Variants in SLC39A11 observed in about 807,000 individuals in gnomAD.
The protein encoded by SLC39A11 is solute carrier family 39 member 11.
A neutral mutation model predicts 36.1 loss-of-function variants in SLC39A11; 33 were observed. The observed-to-expected ratio is 0.91, with a 90% CI of 0.69 to 1.22. The LOEUF (loss-of-function observed/expected upper bound fraction) is 1.22. Among genes scored for constraint, SLC39A11 ranks in the 50% most tolerant of loss-of-function variants. The pLI, the probability that SLC39A11 is intolerant of heterozygous loss-of-function variation, is 0.00. For synonymous variants in SLC39A11, 166 were observed against 170.3 expected (o/e 0.97, Z 0.20); for missense variants, 432 against 430.3 (o/e 1.00, Z -0.03).
At chr17:72,843,552 G>C (rs1390421916) in intron 6 of SLC39A11, among the ~76,000 whole-genome samples, 1 of 152,084 alleles carries the variant, frequency 6.6e-6, no homozygotes, top group East Asian at 1.9e-4. Context: ...ACCATGTGAG[G>C]ATACAACGAG....
At chr17:72,904,918 A>T (rs1405087781) in intron 5 of SLC39A11, among the ~76,000 whole-genome samples, 1 of 152,140 alleles carries the variant, frequency 6.6e-6, no homozygotes, top group South Asian at 2.1e-4. Flanking sequence ...TCACGCCTGT[A>T]ATCCCAGCAC....
chr17:72,686,981 G>A, intron 7 of SLC39A11, among the ~76,000 whole-genome samples: 1 of 152,142 alleles, frequency 6.6e-6, no homozygotes. Context: ...AATTAATCAG[G>A]AGGGGAATTC....
intron 5 of SLC39A11, among the ~76,000 whole-genome samples, chr17:72,875,457 C>T (rs1344189734): frequency 1.3e-5 from 2 of 152,136 alleles, no homozygotes; most frequent in Non-Finnish European, 2.9e-5. Context: ...ATTCTGGAAC[C>T]CCCTGAGGTT....
At chr17:72,889,742 T>C (rs1436815588) in intron 5 of SLC39A11, among the ~76,000 whole-genome samples, 1 of 152,194 alleles carries the variant, frequency 6.6e-6, no homozygotes, top group Non-Finnish European at 1.5e-5. Context: ...TGCATGATAC[T>C]GTCACCAGTA....
Position 72,882,916 on chromosome 17 carries a change from C to T in SLC39A11, c.431-33112G>A, listed in dbSNP as rs1423162397. ...GGTTCAAGCGATTCTCCTGCCTCAG[C>T]CTCCCCAGTAGCTGGGATTACAGGT... On this transcript the variant is annotated intron_variant, in intron 5 of 9. Coordinates refer to ENST00000255559, the MANE Select transcript of SLC39A11 (RefSeq NM_139177.4). 5.3e-5 allele frequency among the ~76,000 whole-genome samples: 8 copies of T among 151,570 alleles called. No individual in the cohort carries two copies. The East Asian group carries it at 1.6e-3, about 30-fold the overall frequency.
intron 5 of SLC39A11, among the ~76,000 whole-genome samples, chr17:72,872,503 T>C (rs1010978922): frequency 1.3e-5 from 2 of 152,192 alleles, no homozygotes; most frequent in African/African-American, 4.8e-5. Flanking sequence ...CCTAACTGGC[T>C]ATGGCACCGA....
At chr17:72,847,299 A>T (rs2079093775) in intron 6 of SLC39A11, among the ~76,000 whole-genome samples, 1 of 152,026 alleles carries the variant, frequency 6.6e-6, no homozygotes, top group Admixed American at 6.6e-5. Context: ...GCTACTCGGG[A>T]GGCCGAGACA....
chr17:73,003,834 T>A (rs887102454), intron 4 of SLC39A11, among the ~76,000 whole-genome samples: 1 of 151,994 alleles, frequency 6.6e-6, no homozygotes, highest in South Asian at 2.1e-4. Flanking sequence ...GCCTATAATC[T>A]CAGCACTTTG....
chr17:72,856,862 G>A (rs189792189), intron 5 of SLC39A11, among the ~76,000 whole-genome samples: 1 of 152,068 alleles, frequency 6.6e-6, no homozygotes, highest in South Asian at 2.1e-4. Context: ...TGTATTTTTA[G>A]TAGAGATGGG....
intron 4 of SLC39A11, among the ~76,000 whole-genome samples, chr17:73,016,334 G>C (rs4969054): frequency 0.74 from 106,013 of 142,932 alleles, 41,380 homozygotes; most frequent in Non-Finnish European, 0.88. Context: ...GTATCAGAAA[G>C]TTGATTTTTT....
chr17:73,090,749 G>T (rs1263500345), intron 1 of SLC39A11, among the ~76,000 whole-genome samples: 1 of 152,176 alleles, frequency 6.6e-6, no homozygotes, highest in Non-Finnish European at 1.5e-5. Flanking sequence ...AACAGAGGGA[G>T]CTCGTGGGTG....
rs527792336 is a variant in SLC39A11 at position 72,921,200 on chromosome 17, C to G, written c.430+26552G>C. On this transcript the variant is annotated intron_variant, in intron 5 of 9. Coordinates refer to ENST00000255559, the MANE Select transcript of SLC39A11 (RefSeq NM_139177.4). ...CCCAGCATCTTGCTCCTTCCCATGA[C>G]CTGGCTTAACAAACCATAGGACTAT... Among the ~76,000 whole-genome samples the G allele has an allele frequency of 3.5e-4, 53 of 152,266 alleles. 2 individuals carry two copies. The South Asian group carries it at 1.0e-2, about 29-fold the overall frequency.
intron 6 of SLC39A11, among the ~76,000 whole-genome samples, chr17:72,767,318 G>A (rs370452187): frequency 2.6e-5 from 4 of 152,226 alleles, no homozygotes; most frequent in African/African-American, 7.2e-5. Flanking sequence ...TAGAGAGACA[G>A]CCTTCAGAGA....
In SLC39A11 at chr17:72,944,159, C is replaced by T. The variant is rs544414451; in HGVS notation, c.430+3593G>A. Among the ~76,000 whole-genome samples, 169 of 152,270 alleles carry T rather than the reference C, an allele frequency of 1.1e-3. 1 individual carries two copies. The highest frequency in any genetic ancestry group is 3.8e-3 in the African/African-American group (160 of 41,560). On this transcript the variant is annotated intron_variant, in intron 5 of 9. Transcript: ENST00000255559. ...CTCAGGGAGACAGATTTGGGCATTC[C>T]CTCCTGTCTCCCTGCCAGTTGACTT...
chr17:72,926,505 G>C (rs1036702666), intron 5 of SLC39A11, among the ~76,000 whole-genome samples: 1 of 149,670 alleles, frequency 6.7e-6, no homozygotes, highest in Non-Finnish European at 1.5e-5. Context: ...TGAATGTTTT[G>C]GGGGAAGATA....
chr17:72,930,880 G>T (rs983280216), intron 5 of SLC39A11, among the ~76,000 whole-genome samples: 3 of 152,166 alleles, frequency 2.0e-5, no homozygotes, highest in Admixed American at 2.0e-4. Flanking sequence ...GTTTTCCAAA[G>T]AGAGGGAAGG....
At chr17:72,730,894 G>A (rs1459372743) in intron 7 of SLC39A11, among the ~76,000 whole-genome samples, 1 of 152,138 alleles carries the variant, frequency 6.6e-6, no homozygotes, top group Non-Finnish European at 1.5e-5. Context: ...GGAACTATAG[G>A]TGTGCGCCAC....
At chr17:73,004,368 G>T (rs572420693) in intron 4 of SLC39A11, among the ~76,000 whole-genome samples, 1 of 152,118 alleles carries the variant, frequency 6.6e-6, no homozygotes, top group Non-Finnish European at 1.5e-5. Context: ...CTTGCTCCTC[G>T]GCTCCCAGAG....
chr17:72,803,070 T>C (rs1598800700), intron 6 of SLC39A11, among the ~76,000 whole-genome samples: 2 of 152,250 alleles, frequency 1.3e-5, no homozygotes, highest in East Asian at 3.8e-4. Context: ...GCTTTCTTGT[T>C]TGTAGAATAC....
Sources: allele counts gnomAD v4.1 joint callset (sites outside exome capture counted in the v4.1 genomes callset), GRCh38; gene constraint gnomAD v4.1.1; transcripts MANE v1.5; gene names NCBI Gene and HGNC (gene_info 2026-07-23, HGNC 2026-07-21).